DENND4C: variants seen among roughly 807,000 people sequenced by gnomAD.
DENND4C encodes DENN domain containing 4C.
A neutral mutation model predicts 203.0 loss-of-function variants in DENND4C; 108 were observed. That is an observed-to-expected ratio of 0.53 (90% CI 0.46 to 0.62). DENND4C has a LOEUF of 0.62. Among genes scored for constraint, DENND4C ranks in the 20% least tolerant of loss-of-function variants. The pLI is 0.00. For missense variants in DENND4C, 2,481 were observed against 2,301.2 expected, an observed-to-expected ratio of 1.08 and a Z score of -1.60; for synonymous variants, 871 against 792.4, an observed-to-expected ratio of 1.10 and a Z score of -1.67.
chr9:19,313,890 G>A (rs1038814827), intron 10 of DENND4C, among the ~76,000 whole-genome samples: 1 of 152,176 alleles, frequency 6.6e-6, no homozygotes, highest in Non-Finnish European at 1.5e-5. Context: ...CAAGCTGAGG[G>A]AGCTAAGCTA....
chr9:19,317,640 C>T (rs567538290), intron 12 of DENND4C, among the ~76,000 whole-genome samples: 1 of 152,108 alleles, frequency 6.6e-6, no homozygotes, highest in South Asian at 2.1e-4. Flanking sequence ...TGTAACTTAC[C>T]ACTTAAATAT....
At chr9:19,306,500 A>G (rs1563785321) in intron 10 of DENND4C, among the ~76,000 whole-genome samples, 1 of 152,128 alleles carries the variant, frequency 6.6e-6, no homozygotes, top group Non-Finnish European at 1.5e-5. Flanking sequence ...TTTTTGTAGC[A>G]CACATTTTAT....
intron 12 of DENND4C, among the ~76,000 whole-genome samples, chr9:19,322,016 A>C (rs1020401109): frequency 6.6e-6 from 1 of 152,132 alleles, no homozygotes; most frequent in African/African-American, 2.4e-5. Context: ...TTATGTAGTG[A>C]GATAGTGTAC....
rs1253810922 is a variant in DENND4C, at chr9:19,326,183, A to G, written c.2109A>G (p.Ser703=). ...CTCCTGATGATGGAAAGGACCTGTC[A>G]CCAAAGTACAGGTAGTAGGAAGTTT... is the stretch of plus-strand genomic sequence containing the variant. The part of the protein sequence containing the change: ...EPPPDDGKDL[S]PKYSYKYFPR... The change falls in exon 15 of 33, where the codon TCA becomes TCG. Residue 703 remains serine (S), a synonymous_variant. Coordinates refer to ENST00000434457, the MANE Select transcript of DENND4C (RefSeq NM_001330640.2). 3.1e-6 allele frequency: 5 copies of G among 1,611,126 alleles called. No individual in the cohort carries two copies. The highest frequency in any genetic ancestry group is 4.2e-6 in the Non-Finnish European group (5 of 1,179,184).
At chr9:19,310,893 C>T (rs1239583235) in intron 10 of DENND4C, among the ~76,000 whole-genome samples, 1 of 152,082 alleles carries the variant, frequency 6.6e-6, no homozygotes, top group South Asian at 2.1e-4. Context: ...GTAGACAGTC[C>T]TTGTATTCCT....
chr9:19,336,520 T>G (rs1202923738), intron 19 of DENND4C, 106 bp downstream of exon 19: 2 of 1,448,984 alleles, frequency 1.4e-6, no homozygotes, highest in East Asian at 2.5e-5. Context: ...GGTAGACATT[T>G]TCACATACAT....
chr9:19,240,656 A>C (rs980250956), intron 1 of DENND4C, among the ~76,000 whole-genome samples: 4 of 123,952 alleles, frequency 3.2e-5, no homozygotes, highest in African/African-American at 1.2e-4. Flanking sequence ...ACAGAGTGAG[A>C]TTTCATCTCA....
rs1471524813 is a variant in DENND4C at position 19,255,960 on chromosome 9, A to G, written c.-17-20198A>G. Among the ~76,000 whole-genome samples the G allele has an allele frequency of 2.0e-5, 3 of 152,098 alleles. No homozygotes were observed. In the East Asian group the frequency reaches 5.8e-4, roughly 29 times the overall value. On this transcript the variant is annotated intron_variant, in intron 1 of 32. Coordinates refer to ENST00000434457, the MANE Select transcript of DENND4C (RefSeq NM_001330640.2). ...ATCAAGACAGACCACATTCAGGCTG[A>G]GCATGGTGTCTTAACTCCTGTAATC... is the stretch of plus-strand genomic sequence containing the variant.
At chr9:19,299,816 T>G (rs1326216348) in intron 8 of DENND4C, among the ~76,000 whole-genome samples, 4 of 152,314 alleles carry the variant, frequency 2.6e-5, no homozygotes, top group Non-Finnish European at 5.9e-5. Flanking sequence ...TTTCACCCTT[T>G]CCCTTACTAT....
chr9:19,354,568 T>A (rs559311705), intron 26 of DENND4C, among the ~76,000 whole-genome samples: 2,285 of 148,822 alleles, frequency 0.015, 33 homozygotes, highest in African/African-American at 0.053. Context: ...TTTTTTTTTT[T>A]TTGGAGACAG....
chr9:19,308,184 C>T (rs554922565), intron 10 of DENND4C, among the ~76,000 whole-genome samples: 2 of 152,182 alleles, frequency 1.3e-5, no homozygotes, highest in Non-Finnish European at 2.9e-5. Flanking sequence ...AGTATATGCT[C>T]AGGAATTCCT....
intron 1 of DENND4C, among the ~76,000 whole-genome samples, chr9:19,274,507 C>T (rs533225808): frequency 6.6e-6 from 1 of 152,164 alleles, no homozygotes; most frequent in South Asian, 2.1e-4. Flanking sequence ...GTTGATCAGG[C>T]TGGTCTCAAA....
intron 16 of DENND4C, among the ~76,000 whole-genome samples, chr9:19,331,720 C>G (rs1819241887): frequency 6.6e-6 from 1 of 152,152 alleles, no homozygotes; most frequent in Non-Finnish European, 1.5e-5. Context: ...ATGATCTTTG[C>G]TCTTAATTTC....
chr9:19,374,215 A>G lies in DENND4C; in HGVS notation c.*2042A>G, dbSNP rs921425386. On this transcript the variant is annotated 3_prime_UTR_variant, in exon 33 of 33. Coordinates refer to ENST00000434457, the MANE Select transcript of DENND4C (RefSeq NM_001330640.2). ...TTCCATTCCTTCACTCGTAACTTGAACTCAAGTTTTCACTTACTGACGCGC... is the reference window on the plus strand; with the variant it reads ...TTCCATTCCTTCACTCGTAACTTGAGCTCAAGTTTTCACTTACTGACGCGC... Among the ~76,000 whole-genome samples the G allele has an allele frequency of 6.6e-6, 1 of 152,044 alleles. No individual in the cohort carries two copies. The highest frequency in any genetic ancestry group is 1.5e-5 in the Non-Finnish European group (1 of 68,004).
Position 19,290,798 on chromosome 9 carries a change from T to C in DENND4C, c.723T>C (p.Ile241=). 1 of 1,612,678 alleles carries C rather than the reference T, an allele frequency of 6.2e-7. No homozygotes were observed. The highest frequency in any genetic ancestry group is 8.5e-7 in the Non-Finnish European group (1 of 1,179,230). ...TCTGCCTTCCTATGGGAGCTACTATTGAGTGCTGGGATCCTGAAACCAAAT... is the reference window on the plus strand; with the variant it reads ...TCTGCCTTCCTATGGGAGCTACTATCGAGTGCTGGGATCCTGAAACCAAAT... ...PLFCLPMGAT[I]ECWDPETKYP... The change falls in exon 5 of 33, where the codon ATT becomes ATC. Residue 241 remains isoleucine (I), a synonymous_variant. Coordinates refer to ENST00000434457, the MANE Select transcript of DENND4C (RefSeq NM_001330640.2).
In DENND4C at chr9:19,373,546, T is replaced by TA. The variant is rs1038392259; in HGVS notation, c.*1374dup. On this transcript the variant is annotated 3_prime_UTR_variant, in exon 33 of 33. Coordinates refer to ENST00000434457, the MANE Select transcript of DENND4C (RefSeq NM_001330640.2). Reference sequence around the variant, plus strand: ...GTGAGTAAAAATGTGCATTTGTAAATACTGTGTTTTTAGGTTGAATCAATT... The same window carrying TA: ...GTGAGTAAAAATGTGCATTTGTAAATAACTGTGTTTTTAGGTTGAATCAATT... 3.3e-5 allele frequency: 5 copies of TA among 152,626 alleles called. No individual in the cohort carries two copies. Among genetic ancestry groups the TA allele is most frequent in the Non-Finnish European group, 5.9e-5 (4 of 68,036 alleles). The allele number at this position is 152,626 out of a possible 1,614,324, so 9.5% of individuals were successfully genotyped here.
At chr9:19,333,983 A>C (rs150128573) in intron 17 of DENND4C, among the ~76,000 whole-genome samples, 1 of 152,308 alleles carries the variant, frequency 6.6e-6, no homozygotes, top group East Asian at 1.9e-4. Flanking sequence ...TTGGCATTGA[A>C]TGGAAAGCAT....
chr9:19,356,288 A>T (rs1014313007), intron 26 of DENND4C, among the ~76,000 whole-genome samples: 2 of 152,106 alleles, frequency 1.3e-5, no homozygotes, highest in African/African-American at 2.4e-5. Flanking sequence ...TTTATTGACA[A>T]TTTTTTTATT....
chr9:19,261,014 A>G (rs924766563), intron 1 of DENND4C, among the ~76,000 whole-genome samples: 2 of 151,750 alleles, frequency 1.3e-5, no homozygotes, highest in Non-Finnish European at 2.9e-5. Flanking sequence ...AGACTTAAGT[A>G]TTTGTCTTGA....
Sources: allele counts gnomAD v4.1 joint callset (sites outside exome capture counted in the v4.1 genomes callset), GRCh38; gene constraint gnomAD v4.1.1; transcripts MANE v1.5; gene names NCBI Gene and HGNC (gene_info 2026-07-23, HGNC 2026-07-21).